The following FBXL13 variants were observed in gnomAD, a reference collection of about 807,000 sequenced individuals.
FBXL13 encodes F-box and leucine rich repeat protein 13, also known as F-box and leucine-rich repeat protein 13.
FBXL13 carries 67 observed loss-of-function variants against 83.6 expected under a neutral mutation model. The observed-to-expected ratio is 0.80, with a 90% confidence interval of 0.66 to 0.98. The LOEUF (loss-of-function observed/expected upper bound fraction) is 0.98. Among genes scored for constraint, FBXL13 ranks in the 50% least tolerant of loss-of-function variants. FBXL13 has a pLI of 0.00. For missense variants in FBXL13, 822 were observed against 866.5 expected (o/e 0.95, Z 0.64); for synonymous variants, 272 against 299.5 (o/e 0.91, Z 0.95).
At chr7:102,822,008 CA>C in intron 19 of FBXL13, 31 bp downstream of exon 20, 1 of 1,609,898 alleles carries the variant, frequency 6.2e-7, no homozygotes, top group Non-Finnish European at 8.5e-7. Flanking sequence ...AAGTAGTTCT[CA>C]AAAGTTTGTC....
intron 6 of FBXL13, among the ~76,000 whole-genome samples, chr7:102,980,345 T>C (rs1385229064): frequency 6.6e-6 from 1 of 152,034 alleles, no homozygotes; most frequent in Non-Finnish European, 1.5e-5. Context: ...TGGCAAAACA[T>C]TCAATGGGGG....
intron 6 of FBXL13, among the ~76,000 whole-genome samples, chr7:103,003,178 C>T (rs1790580700): frequency 6.6e-6 from 1 of 150,876 alleles, no homozygotes; most frequent in African/African-American, 2.4e-5. Context: ...ATCCATTCTG[C>T]TATTGAGAGC....
intron 2 of FBXL13, among the ~76,000 whole-genome samples, chr7:103,054,741 A>G (rs1353876766): frequency 6.6e-6 from 1 of 152,230 alleles, no homozygotes; most frequent in Non-Finnish European, 1.5e-5. Flanking sequence ...ATTAGAAAGG[A>G]AAGAAAACAT....
chr7:103,065,134 A>T (rs1798271381), intron 1 of FBXL13, among the ~76,000 whole-genome samples: 1 of 152,186 alleles, frequency 6.6e-6, no homozygotes, highest in South Asian at 2.1e-4. Context: ...GCCAAATCAA[A>T]TCTGTCATTC....
At chr7:103,052,659 G>A (rs1796936216) in intron 2 of FBXL13, among the ~76,000 whole-genome samples, 1 of 151,902 alleles carries the variant, frequency 6.6e-6, no homozygotes, top group Admixed American at 6.5e-5. Context: ...CCTTTTCTAT[G>A]CCTTGGCAAA....
At chr7:102,920,950 G>C (rs903793977) in intron 10 of FBXL13, among the ~76,000 whole-genome samples, 1 of 151,972 alleles carries the variant, frequency 6.6e-6, no homozygotes, top group African/African-American at 2.4e-5. Context: ...TCAGGAGTTC[G>C]AGACCGGCCT....
chr7:102,866,504 A>G (rs1168238092), intron 16 of FBXL13, among the ~76,000 whole-genome samples: 6 of 152,160 alleles, frequency 3.9e-5, no homozygotes, highest in Non-Finnish European at 7.4e-5. Flanking sequence ...TGCTTTTTGA[A>G]AATCCACGGC....
chr7:102,960,343 T>C (rs557209481), intron 8 of FBXL13, among the ~76,000 whole-genome samples: 321 of 152,184 alleles, frequency 2.1e-3, no homozygotes, highest in South Asian at 9.7e-3. Flanking sequence ...CAATAATCAA[T>C]AGCTTACCAA....
At chr7:102,973,702 G>C in intron 6 of FBXL13, 1 of 766,408 alleles carries the variant, frequency 1.3e-6, no homozygotes, top group Admixed American at 1.7e-5. Flanking sequence ...ACAGCAGCCG[G>C]ACAAAGGAAG....
At chr7:102,945,497 G>A (rs571906085) in intron 8 of FBXL13, among the ~76,000 whole-genome samples, 1 of 152,194 alleles carries the variant, frequency 6.6e-6, no homozygotes, top group African/African-American at 2.4e-5. Context: ...ATAAAATATA[G>A]GAAATAATAC....
chr7:102,889,409 AATTTTT>A (rs941059548), intron 11 of FBXL13, among the ~76,000 whole-genome samples: 164 of 152,184 alleles, frequency 1.1e-3, no homozygotes, highest in African/African-American at 3.7e-3. Context: ...GTTTGTTTTT[AATTTTT>A]ATTATTATTA....
chr7:103,049,737 T>C (rs538723879), intron 2 of FBXL13, among the ~76,000 whole-genome samples: 3 of 152,328 alleles, frequency 2.0e-5, no homozygotes, highest in Admixed American at 2.0e-4. Flanking sequence ...CACTCTTTAA[T>C]AAAGTCCTTT....
chr7:102,982,794 C>G (rs1585235370), intron 6 of FBXL13, among the ~76,000 whole-genome samples: 2 of 152,272 alleles, frequency 1.3e-5, no homozygotes, highest in East Asian at 3.9e-4. Flanking sequence ...AAATTACCCA[C>G]CCAGTCTTGG....
At chr7:103,027,886 T>C (rs888260008) in intron 4 of FBXL13, among the ~76,000 whole-genome samples, 2 of 152,206 alleles carry the variant, frequency 1.3e-5, no homozygotes, top group South Asian at 4.1e-4. Context: ...AATACAGTCA[T>C]AAGGTAGCAT....
At chr7:102,963,475 T>C in intron 8 of FBXL13, 58 bp downstream of exon 9, 4 of 1,587,030 alleles carry the variant, frequency 2.5e-6, no homozygotes, top group Non-Finnish European at 8.5e-7. Context: ...CTTTTCTGTA[T>C]ATTTGTTTAA....
chr7:102,813,582 C>A, intron 19 of FBXL13, 51 bp from the exon 21 acceptor site: 1 of 1,563,986 alleles, frequency 6.4e-7, no homozygotes. Context: ...ACCCCTAGTG[C>A]AAAATTTTCA....
intron 11 of FBXL13, among the ~76,000 whole-genome samples, chr7:102,892,202 C>T (rs374997402): frequency 3.0e-4 from 46 of 152,296 alleles, no homozygotes; most frequent in East Asian, 9.6e-4. Flanking sequence ...TGAGACTCAT[C>T]ACTTTGTCAT....
At chr7:102,860,321 A>G (rs1303637936) in intron 16 of FBXL13, among the ~76,000 whole-genome samples, 1 of 152,198 alleles carries the variant, frequency 6.6e-6, no homozygotes, top group African/African-American at 2.4e-5. Flanking sequence ...CAGTTGGAAG[A>G]AAGAGATGGC....
chr7:102,924,641 C>CTTT (rs71106699), intron 10 of FBXL13, among the ~76,000 whole-genome samples: 19 of 121,038 alleles, frequency 1.6e-4, no homozygotes, highest in Non-Finnish European at 2.2e-4. Flanking sequence ...GTAAGCTTTT[C>CTTT]TTTTTTTTTT....
Sources: allele counts gnomAD v4.1 joint callset (sites outside exome capture counted in the v4.1 genomes callset), GRCh38; gene constraint gnomAD v4.1.1; transcripts MANE v1.5; gene names NCBI Gene and HGNC (gene_info 2026-07-23, HGNC 2026-07-21).